The following CCDC141 variants were observed in gnomAD, a reference collection of about 807,000 sequenced individuals.
CCDC141 encodes coiled-coil domain-containing protein 141.
CCDC141 carries 168 observed loss-of-function variants against 181.0 expected under a neutral mutation model. That is an observed-to-expected ratio of 0.93 (90% CI 0.82 to 1.05). The LOEUF (loss-of-function observed/expected upper bound fraction) is 1.05. Ranked by LOEUF, CCDC141 falls within the 50% of genes least tolerant of loss-of-function variation. The pLI is 0.00. For missense variants in CCDC141, 1,902 were observed against 1,788.5 expected (o/e 1.06, Z -1.14); for synonymous variants, 666 against 642.3 (o/e 1.04, Z -0.56).
At position 178,852,092 on chromosome 2, in the gene CCDC141, A is replaced by G. The variant is rs929592336; in HGVS notation, c.3244+1349T>C. ...GCCATTAGACAGTGAACTAACAAGCAAAATCGCTCCTCAAATACAGCTTAC... is the reference window on the plus strand; with the variant it reads ...GCCATTAGACAGTGAACTAACAAGCGAAATCGCTCCTCAAATACAGCTTAC... On this transcript the variant is annotated intron_variant, in intron 20 of 23. Coordinates refer to ENST00000443758, the MANE Select transcript of CCDC141 (RefSeq NM_173648.4). Among the ~76,000 whole-genome samples, 4 of 152,358 alleles carry G rather than the reference A, an allele frequency of 2.6e-5. No homozygotes were observed. The East Asian group carries it at 7.7e-4, about 29-fold the overall frequency.
chr2:178,929,162 T>C (rs1439656455), intron 6 of CCDC141, among the ~76,000 whole-genome samples: 3 of 152,206 alleles, frequency 2.0e-5, no homozygotes, highest in Non-Finnish European at 2.9e-5. Flanking sequence ...TTAAATTAGA[T>C]GAAACATTAT....
At chr2:178,881,370 T>C (rs1179216263) in intron 11 of CCDC141, among the ~76,000 whole-genome samples, 2 of 152,174 alleles carry the variant, frequency 1.3e-5, no homozygotes, top group East Asian at 3.9e-4. Flanking sequence ...ATAGGAAAAA[T>C]CATTGCATTA....
intron 19 of CCDC141, among the ~76,000 whole-genome samples, 176 bp downstream of exon 19, chr2:178,855,171 C>T (rs1233397354): frequency 6.6e-6 from 1 of 152,116 alleles, no homozygotes; most frequent in Non-Finnish European, 1.5e-5. Flanking sequence ...TAATATTCAT[C>T]CCCTTAGGTC....
intron 2 of CCDC141, among the ~76,000 whole-genome samples, chr2:179,020,159 G>A (rs12474600): frequency 0.12 from 17,747 of 152,124 alleles, 1,101 homozygotes; most frequent in Middle Eastern, 0.19. Context: ...TCCATAGAAC[G>A]GGCATGTGTA....
At chr2:178,898,463 A>G (rs1249392290) in intron 8 of CCDC141, among the ~76,000 whole-genome samples, 1 of 152,204 alleles carries the variant, frequency 6.6e-6, no homozygotes, top group Non-Finnish European at 1.5e-5. Flanking sequence ...GACAACTGTT[A>G]TTACATACAC....
chr2:178,917,549 G>A (rs1023210303), intron 7 of CCDC141, among the ~76,000 whole-genome samples: 1 of 152,034 alleles, frequency 6.6e-6, no homozygotes, highest in Non-Finnish European at 1.5e-5. Context: ...TAGGTTCCAG[G>A]GTTTCCTCAT....
intron 2 of CCDC141, among the ~76,000 whole-genome samples, chr2:178,996,653 C>A (rs1200839028): frequency 6.6e-6 from 1 of 152,116 alleles, no homozygotes; most frequent in Non-Finnish European, 1.5e-5. Flanking sequence ...GATATAAAGG[C>A]TTTAGGGAGA....
At chr2:178,896,709 T>C (rs1687424906) in intron 8 of CCDC141, among the ~76,000 whole-genome samples, 1 of 152,136 alleles carries the variant, frequency 6.6e-6, no homozygotes, top group South Asian at 2.1e-4. Flanking sequence ...TCAGATCAGC[T>C]TTCAAGTACT....
At chr2:178,908,515 G>T (rs962161350) in intron 7 of CCDC141, among the ~76,000 whole-genome samples, 3 of 152,130 alleles carry the variant, frequency 2.0e-5, no homozygotes, top group African/African-American at 7.2e-5. Flanking sequence ...AAAGTCAAAT[G>T]CCTAAAGCAA....
At chr2:178,816,378 G>A in the CCDC141 span, among the ~76,000 whole-genome samples, 1 of 152,116 alleles carries the variant, frequency 6.6e-6, no homozygotes, top group Non-Finnish European at 1.5e-5. Flanking sequence ...CCTTAGTCGT[G>A]TACTTCTTAT....
chr2:178,872,958 T>C (rs936487960), intron 12 of CCDC141: 6 of 152,166 alleles, frequency 3.9e-5, no homozygotes, highest in African/African-American at 1.4e-4. Flanking sequence ...TGAAATCTTT[T>C]AAACAATGGT....
At chr2:178,876,284 T>C (rs1010245432) in intron 12 of CCDC141, 1 of 152,096 alleles carries the variant, frequency 6.6e-6, no homozygotes, top group African/African-American at 2.4e-5. Flanking sequence ...CTACAGAAAC[T>C]AGAAGAGCCA....
chr2:178,900,641 A>C (rs1486198120), intron 8 of CCDC141, among the ~76,000 whole-genome samples: 3 of 152,320 alleles, frequency 2.0e-5, no homozygotes, highest in African/African-American at 2.4e-5. Flanking sequence ...AGAATGTATA[A>C]AAAATAAAAG....
chr2:178,913,395 C>T (rs1688304127), intron 7 of CCDC141, among the ~76,000 whole-genome samples: 2 of 152,032 alleles, frequency 1.3e-5, no homozygotes, highest in Admixed American at 6.5e-5. Flanking sequence ...TTTTTAGGTA[C>T]TCTACTTGGG....
intron 17 of CCDC141, among the ~76,000 whole-genome samples, chr2:178,861,610 T>C (rs1036919276): frequency 2.2e-5 from 3 of 138,568 alleles, no homozygotes; most frequent in Non-Finnish European, 3.0e-5. Context: ...CACTCCAGCC[T>C]GGGCGACAGA....
At chr2:178,843,454 G>A (rs537228058) in intron 22 of CCDC141, among the ~76,000 whole-genome samples, 4 of 152,310 alleles carry the variant, frequency 2.6e-5, no homozygotes, top group Admixed American at 2.6e-4. Flanking sequence ...AACCTTAGGA[G>A]TTTTCATATC....
rs1559049191 is a variant in CCDC141, at chr2:179,015,262, A to ATATC, written c.225+32021_225+32022insGATA. The stretch of plus-strand genomic sequence containing the variant: ...TATATCTCATATATATCTCATATAT[A>ATATC]TCATATATATCTCATCTATCTCTCA... On this transcript the variant is annotated intron_variant, in intron 2 of 23. Coordinates refer to ENST00000443758, the MANE Select transcript of CCDC141 (RefSeq NM_173648.4). 8.7e-3 allele frequency among the ~76,000 whole-genome samples: 268 copies of ATATC among 30,894 alleles called. 4 individuals are homozygous for ATATC. Among genetic ancestry groups the ATATC allele is most frequent in the African/African-American group, 0.019 (242 of 12,712 alleles). 20.3% of individuals were successfully genotyped at this position (30,894 alleles called of 152,430 possible).
chr2:178,953,330 G>A (rs1028587665), intron 5 of CCDC141, among the ~76,000 whole-genome samples: 6 of 151,994 alleles, frequency 3.9e-5, no homozygotes, highest in Admixed American at 6.5e-5. Flanking sequence ...CCAGCTACTC[G>A]GGAGGCTGAG....
chr2:179,049,589 C>CTTT (rs199994228), intron 1 of CCDC141, among the ~76,000 whole-genome samples: 5 of 135,582 alleles, frequency 3.7e-5, no homozygotes, highest in African/African-American at 1.1e-4. Flanking sequence ...TCTTTCTTTT[C>CTTT]TTTTTTTTTT....
Sources: allele counts gnomAD v4.1 joint callset (sites outside exome capture counted in the v4.1 genomes callset), GRCh38; gene constraint gnomAD v4.1.1; transcripts MANE v1.5; gene names NCBI Gene and HGNC (gene_info 2026-07-23, HGNC 2026-07-21).